Variants in CTNND2 observed in about 807,000 individuals in gnomAD.
CTNND2 encodes catenin delta 2.
CTNND2 carries 22 observed loss-of-function variants against 144.4 expected under a neutral mutation model. That is an observed-to-expected ratio of 0.15 (90% CI 0.11 to 0.22). The LOEUF (loss-of-function observed/expected upper bound fraction) is 0.22, where lower values mean the gene tolerates loss of function less well. Ranked by LOEUF, CTNND2 falls within the 10% of genes least tolerant of loss-of-function variation. The pLI, the probability that CTNND2 is intolerant of heterozygous loss-of-function variation, is 1.00. For missense variants in CTNND2, 1,353 were observed against 1,618.8 expected, an observed-to-expected ratio of 0.84 and a Z score of 2.82; for synonymous variants, 751 against 695.6, an observed-to-expected ratio of 1.08 and a Z score of -1.25.
At position 11,529,799 on chromosome 5, in the gene CTNND2, A is replaced by C. The variant is rs897912495; in HGVS notation, c.287+35145T>G. On this transcript the variant is annotated intron_variant, in intron 3 of 21. Transcript: ENST00000304623. ...TGGTATTTTCAAACAATCTAAAATC[A>C]TGGATTTGAGAGATCTTGCCTTGGT... 1.3e-5 allele frequency among the ~76,000 whole-genome samples: 2 copies of C among 152,148 alleles called. 1 individual carries two copies. Among genetic ancestry groups the C allele is most frequent in the South Asian group, 4.1e-4 (2 of 4,828 alleles).
At chr5:11,426,033 T>A (rs1026559785) in intron 3 of CTNND2, among the ~76,000 whole-genome samples, 2 of 152,110 alleles carry the variant, frequency 1.3e-5, no homozygotes. Flanking sequence ...AGAATCCTTT[T>A]TTTCCCCTGA....
intron 2 of CTNND2, among the ~76,000 whole-genome samples, chr5:11,604,303 A>G (rs1338641697): frequency 6.6e-6 from 1 of 152,088 alleles, no homozygotes; most frequent in Admixed American, 6.6e-5. Flanking sequence ...AAATTTACAA[A>G]CTCTCTACTT....
chr5:11,695,040 G>C (rs919555254), intron 2 of CTNND2, among the ~76,000 whole-genome samples: 5 of 151,984 alleles, frequency 3.3e-5, no homozygotes, highest in East Asian at 1.9e-4. Flanking sequence ...TAGGGTTATC[G>C]AACAGTTAGA....
At chr5:11,470,980 A>ATATATATATTTT (rs1219093645) in intron 3 of CTNND2, among the ~76,000 whole-genome samples, 8 of 91,532 alleles carry the variant, frequency 8.7e-5, no homozygotes, top group East Asian at 2.8e-4. Flanking sequence ...ATATATATAT[A>ATATATATATTTT]TTTTTTTTTT....
chr5:11,772,714 C>T (rs958582421), intron 1 of CTNND2, among the ~76,000 whole-genome samples: 3 of 152,158 alleles, frequency 2.0e-5, no homozygotes, highest in African/African-American at 7.2e-5. Context: ...TTGAATGTCA[C>T]ACAAAGCCCC....
At chr5:11,102,877 G>A (rs1042280936) in intron 14 of CTNND2, among the ~76,000 whole-genome samples, 9 of 148,392 alleles carry the variant, frequency 6.1e-5, no homozygotes, top group African/African-American at 1.2e-4. Flanking sequence ...TGCTCAATGT[G>A]TATGTTACAA....
intron 1 of CTNND2, among the ~76,000 whole-genome samples, chr5:11,829,152 T>C (rs1793754161): frequency 6.6e-6 from 1 of 152,018 alleles, no homozygotes; most frequent in African/African-American, 2.4e-5. Context: ...AGGCATTCAG[T>C]TTTGAAAGGG....
At chr5:11,370,570 C>T (rs57317518) in intron 7 of CTNND2, among the ~76,000 whole-genome samples, 6 of 152,152 alleles carry the variant, frequency 3.9e-5, no homozygotes, top group African/African-American at 7.2e-5. Flanking sequence ...CAGGTCCATG[C>T]TGGATTTTTT....
chr5:11,576,788 C>T (rs866046338), intron 2 of CTNND2, among the ~76,000 whole-genome samples: 15 of 152,184 alleles, frequency 9.9e-5, no homozygotes, highest in African/African-American at 3.1e-4. Flanking sequence ...TAACCTAAAA[C>T]GTTCTAATGA....
intron 2 of CTNND2, among the ~76,000 whole-genome samples, chr5:11,611,186 C>T (rs894012234): frequency 5.3e-5 from 8 of 152,114 alleles, no homozygotes; most frequent in Non-Finnish European, 1.2e-4. Flanking sequence ...TTGCTGACAC[C>T]ATGTGAAGAA....
intron 2 of CTNND2, among the ~76,000 whole-genome samples, chr5:11,714,331 T>C (rs146210823): frequency 0.012 from 1,898 of 152,294 alleles, 29 homozygotes; most frequent in Non-Finnish European, 0.015. Flanking sequence ...ACCAGCTCCA[T>C]ATTTTTCTTA....
chr5:11,373,074 A>C (rs556857116), intron 7 of CTNND2, among the ~76,000 whole-genome samples: 1 of 152,378 alleles, frequency 6.6e-6, no homozygotes, highest in Admixed American at 6.5e-5. Flanking sequence ...CTCTGCAAGC[A>C]CAAGCTGTGC....
At chr5:11,902,989 TG>T (rs1304025339) in intron 1 of CTNND2, 1 of 165,430 alleles carries the variant, frequency 6.0e-6, no homozygotes, top group Non-Finnish European at 1.2e-5. Flanking sequence ...ACCTTTCTAG[TG>T]ACTTAATTCT....
intron 3 of CTNND2, among the ~76,000 whole-genome samples, chr5:11,492,989 T>C (rs944429964): frequency 7.2e-5 from 11 of 152,038 alleles, no homozygotes; most frequent in African/African-American, 2.7e-4. Context: ...GGAGAATTGC[T>C]TGAACCTGGG....
chr5:11,696,021 A>G (rs988964504), intron 2 of CTNND2, among the ~76,000 whole-genome samples: 1 of 152,232 alleles, frequency 6.6e-6, no homozygotes, highest in Non-Finnish European at 1.5e-5. Context: ...ACAAATATCT[A>G]TAATCTACTT....
At chr5:11,315,596 T>C (rs1233405567) in intron 9 of CTNND2, among the ~76,000 whole-genome samples, 1 of 152,222 alleles carries the variant, frequency 6.6e-6, no homozygotes, top group Non-Finnish European at 1.5e-5. Flanking sequence ...AGGGATCAAT[T>C]TGGTTTTTGT....
chr5:11,435,645 T>C (rs1469613286), intron 3 of CTNND2, among the ~76,000 whole-genome samples: 1 of 152,236 alleles, frequency 6.6e-6, no homozygotes, highest in Non-Finnish European at 1.5e-5. Context: ...GGCCAACTCC[T>C]ATTCTATTTG....
At chr5:11,230,659 G>A (rs1256780649) in intron 10 of CTNND2, among the ~76,000 whole-genome samples, 1 of 152,184 alleles carries the variant, frequency 6.6e-6, no homozygotes, top group East Asian at 1.9e-4. Context: ...TGTGTTTGCA[G>A]CAATCACCTG....
intron 1 of CTNND2, among the ~76,000 whole-genome samples, chr5:11,763,947 T>C (rs1208759347): frequency 1.3e-5 from 2 of 151,880 alleles, no homozygotes; most frequent in Non-Finnish European, 2.9e-5. Flanking sequence ...TTCCAATCCT[T>C]GGAACTTGTG....
Sources: gnomAD v4.1 joint callset for allele counts (sites outside exome capture counted in the v4.1 genomes callset) on GRCh38, gnomAD v4.1.1 for gene constraint, MANE v1.5 for transcripts, NCBI Gene and HGNC (gene_info 2026-07-23, HGNC 2026-07-21) for gene names.